CERS6: variants seen among roughly 807,000 people sequenced by gnomAD.
CERS6 encodes the protein ceramide synthase 6, also known as LAG1 homolog, ceramide synthase 6.
A neutral mutation model predicts 56.8 loss-of-function variants in CERS6; 26 were observed. The observed-to-expected ratio is 0.46, with a 90% CI of 0.34 to 0.63. CERS6 has a LOEUF of 0.63. Among genes scored for constraint, CERS6 ranks in the 30% least tolerant of loss-of-function variants. The pLI is 0.01. For synonymous variants in CERS6, 164 were observed against 173.3 expected (o/e 0.95, Z 0.42); for missense variants, 415 against 467.5 (o/e 0.89, Z 1.04).
chr2:168,515,498 A>G (rs1694869653), intron 1 of CERS6, among the ~76,000 whole-genome samples: 1 of 152,162 alleles, frequency 6.6e-6, no homozygotes, highest in South Asian at 2.1e-4. Flanking sequence ...GGGGAGGGGA[A>G]TTGATGTGGA....
At chr2:168,509,072 A>G (rs1035883408) in intron 1 of CERS6, among the ~76,000 whole-genome samples, 1 of 152,178 alleles carries the variant, frequency 6.6e-6, no homozygotes, top group Admixed American at 6.5e-5. Flanking sequence ...CATACTGGCT[A>G]CAGAAGAGTT....
intron 1 of CERS6, among the ~76,000 whole-genome samples, chr2:168,506,282 C>T (rs114951142): frequency 1.1e-3 from 163 of 152,216 alleles, no homozygotes; most frequent in African/African-American, 3.9e-3. Context: ...CAAAGACTGG[C>T]TCATCCCTTT....
At chr2:168,689,791 A>G (rs1414663853) in intron 4 of CERS6, among the ~76,000 whole-genome samples, 1 of 152,190 alleles carries the variant, frequency 6.6e-6, no homozygotes, top group African/African-American at 2.4e-5. Flanking sequence ...GGGAAATGTA[A>G]AGATTCTGGA....
chr2:168,507,092 T>C (rs1694692145), intron 1 of CERS6, among the ~76,000 whole-genome samples: 1 of 152,068 alleles, frequency 6.6e-6, no homozygotes, highest in African/African-American at 2.4e-5. Flanking sequence ...TCCTTAACCT[T>C]ATGAGAGCAA....
At chr2:168,510,723 A>G (rs563257228) in intron 1 of CERS6, among the ~76,000 whole-genome samples, 15 of 152,044 alleles carry the variant, frequency 9.9e-5, no homozygotes, top group Non-Finnish European at 1.9e-4. Context: ...TTTAAAATTT[A>G]TATTGTTTGC....
At chr2:168,629,138 A>C (rs752585797) in intron 3 of CERS6, among the ~76,000 whole-genome samples, 5 of 152,214 alleles carry the variant, frequency 3.3e-5, no homozygotes, top group Non-Finnish European at 7.3e-5. Flanking sequence ...TATTCCTATA[A>C]TAGAATCTAT....
chr2:168,654,014 T>G lies in CERS6; in HGVS notation c.465+22972T>G, dbSNP rs542390745. Among the ~76,000 whole-genome samples the G allele has an allele frequency of 4.6e-5, 7 of 152,290 alleles. No individual in the cohort carries two copies. In the South Asian group the frequency reaches 1.5e-3, roughly 32 times the overall value. On this transcript the variant is annotated intron_variant, in intron 4 of 9. Coordinates refer to ENST00000305747, the MANE Select transcript of CERS6 (RefSeq NM_203463.3). ...TCCTAATGAATTTCAAAGTTGAAAC[T>G]TTTGGTTTTAGATTACTAAGCACTT...
At chr2:168,608,472 T>C (rs1261321338) in intron 3 of CERS6, among the ~76,000 whole-genome samples, 6 of 152,240 alleles carry the variant, frequency 3.9e-5, no homozygotes, top group African/African-American at 1.4e-4. Context: ...TATCAAACTT[T>C]CTAAGATACA....
chr2:168,647,318 G>A (rs188307751), intron 4 of CERS6, among the ~76,000 whole-genome samples: 56 of 152,072 alleles, frequency 3.7e-4, no homozygotes, highest in Middle Eastern at 3.4e-3. Context: ...TTGGCTCTTG[G>A]CTTGACTGTT....
At chr2:168,604,093 T>A (rs1559016788) in intron 3 of CERS6, among the ~76,000 whole-genome samples, 3 of 152,358 alleles carry the variant, frequency 2.0e-5, no homozygotes, top group Admixed American at 1.3e-4. Flanking sequence ...AGGGAGTCAT[T>A]CTCAATCTGT....
chr2:168,709,086 A>C, intron 6 of CERS6, among the ~76,000 whole-genome samples: 1 of 152,060 alleles, frequency 6.6e-6, no homozygotes, highest in East Asian at 1.9e-4. Context: ...TCTCAATGAG[A>C]GGTAGATCCC....
intron 4 of CERS6, among the ~76,000 whole-genome samples, chr2:168,647,952 G>T (rs1165370528): frequency 6.6e-6 from 1 of 152,132 alleles, no homozygotes; most frequent in Non-Finnish European, 1.5e-5. Flanking sequence ...TGTTTATCAA[G>T]AATATTGGCC....
At chr2:168,714,183 G>A (rs1687169849) in intron 6 of CERS6, among the ~76,000 whole-genome samples, 1 of 152,100 alleles carries the variant, frequency 6.6e-6, no homozygotes, top group African/African-American at 2.4e-5. Flanking sequence ...TATTCATGAG[G>A]GTTCTGGCCT....
At chr2:168,678,629 G>A (rs1474603816) in intron 4 of CERS6, among the ~76,000 whole-genome samples, 1 of 152,142 alleles carries the variant, frequency 6.6e-6, no homozygotes, top group African/African-American at 2.4e-5. Flanking sequence ...CTCCATTCCT[G>A]GTGGGGGTTG....
chr2:168,717,402 G>A (rs2288186), intron 7 of CERS6, among the ~76,000 whole-genome samples: 55,961 of 151,972 alleles, frequency 0.37, 12,625 homozygotes, highest in Non-Finnish European at 0.5. Flanking sequence ...GAAGAAAAAC[G>A]CAGAAAAGCT....
Position 168,610,718 on chromosome 2 carries a change from A to G in CERS6, c.408-20267A>G, listed in dbSNP as rs1163468350. 9.2e-5 allele frequency among the ~76,000 whole-genome samples: 14 copies of G among 152,320 alleles called. 1 individual carries two copies. The East Asian group carries it at 9.6e-4, about 10-fold the overall frequency. Reference sequence around the variant, plus strand: ...CCCATCTCTGCCACATACTATAGTTATACTGTTAAAGAGTTTAAAGCACAG... The same window carrying G: ...CCCATCTCTGCCACATACTATAGTTGTACTGTTAAAGAGTTTAAAGCACAG... On this transcript the variant is annotated intron_variant, in intron 3 of 9. Transcript: ENST00000305747.
intron 6 of CERS6, among the ~76,000 whole-genome samples, chr2:168,698,736 G>A (rs1686730829): frequency 6.6e-6 from 1 of 152,136 alleles, no homozygotes; most frequent in South Asian, 2.1e-4. Context: ...GGATTGAAGT[G>A]TATCATTTTG....
chr2:168,533,272 A>G (rs953584742), intron 1 of CERS6, among the ~76,000 whole-genome samples: 1 of 152,322 alleles, frequency 6.6e-6, no homozygotes, highest in African/African-American at 2.4e-5. Context: ...TGCTGGCCTC[A>G]TAAAATGAGT....
At chr2:168,645,140 TATAGAGAGAGAGAGAGAG>T (rs1387780423) in intron 4 of CERS6, among the ~76,000 whole-genome samples, 6 of 23,644 alleles carry the variant, frequency 2.5e-4, no homozygotes, top group Admixed American at 6.4e-4. Flanking sequence ...TATATATATA[TATAGAGAGAGAGAGAGAG>T]AGAGAGAGAG....
Sources: allele counts gnomAD v4.1 joint callset (sites outside exome capture counted in the v4.1 genomes callset), GRCh38; gene constraint gnomAD v4.1.1; transcripts MANE v1.5; gene names NCBI Gene and HGNC (gene_info 2026-07-23, HGNC 2026-07-21).